ZNF804A: variants seen among roughly 807,000 people sequenced by gnomAD.
ZNF804A encodes the protein zinc finger protein 804A.
Under a neutral mutation model 16.5 loss-of-function variants are expected in ZNF804A, and 2 were observed. The observed-to-expected ratio is 0.12, with a 90% CI of 0.05 to 0.38. ZNF804A has a LOEUF of 0.38. Among genes scored for constraint, ZNF804A ranks in the 10% least tolerant of loss-of-function variants. The pLI is 0.99. For missense variants in ZNF804A, 1,473 were observed against 1,390.7 expected, an observed-to-expected ratio of 1.06 and a Z score of -0.94; for synonymous variants, 534 against 489.6, an observed-to-expected ratio of 1.09 and a Z score of -1.20.
chr2:184,852,956 T>A (rs548243303), intron 1 of ZNF804A, among the ~76,000 whole-genome samples: 4 of 151,636 alleles, frequency 2.6e-5, no homozygotes, highest in Non-Finnish European at 4.4e-5. Flanking sequence ...AAATTTAGGA[T>A]TTTTTTTCTA....
At chr2:184,796,905 G>T (rs935918131) in intron 1 of ZNF804A, among the ~76,000 whole-genome samples, 1 of 151,974 alleles carries the variant, frequency 6.6e-6, no homozygotes, top group Admixed American at 6.6e-5. Context: ...TCAGGGTCAG[G>T]TTATTTAATT....
intron 1 of ZNF804A, among the ~76,000 whole-genome samples, chr2:184,736,250 G>A (rs2105750227): frequency 6.6e-6 from 1 of 152,244 alleles, no homozygotes; most frequent in Admixed American, 6.5e-5. Context: ...TAGGCTAGCA[G>A]TAGGGAGACA....
At chr2:184,704,389 T>A (rs889055308) in intron 1 of ZNF804A, among the ~76,000 whole-genome samples, 2 of 152,080 alleles carry the variant, frequency 1.3e-5, no homozygotes, top group African/African-American at 4.8e-5. Context: ...CAACCTCAGA[T>A]GATCCACCCG....
chr2:184,677,450 A>C (rs1347805404), intron 1 of ZNF804A, among the ~76,000 whole-genome samples: 1 of 151,950 alleles, frequency 6.6e-6, no homozygotes, highest in Non-Finnish European at 1.5e-5. Context: ...TAGACAGTAC[A>C]CGGTCATCTG....
At chr2:184,726,253 T>A (rs73978076) in intron 1 of ZNF804A, among the ~76,000 whole-genome samples, 1 of 151,684 alleles carries the variant, frequency 6.6e-6, no homozygotes, top group Non-Finnish European at 1.5e-5. Flanking sequence ...CCACCAGCAA[T>A]GTATGAGTTT....
rs917243702 is a variant in ZNF804A, at chr2:184,738,758, G to A, written c.112-127611G>A. ...AAAATAATTTGTTATGCAAAAGTTGGTAAACACAATGTGTACAACTGTGTG... is the reference window on the plus strand; with the variant it reads ...AAAATAATTTGTTATGCAAAAGTTGATAAACACAATGTGTACAACTGTGTG... On this transcript the variant is annotated intron_variant, in intron 1 of 3. Transcript: ENST00000302277. Among the ~76,000 whole-genome samples, 4 of 152,074 alleles carry A rather than the reference G, an allele frequency of 2.6e-5. No individual in the cohort carries two copies. The South Asian group carries it at 8.3e-4, about 31-fold the overall frequency.
intron 1 of ZNF804A, among the ~76,000 whole-genome samples, chr2:184,609,563 G>A (rs918083511): frequency 1.3e-5 from 2 of 152,212 alleles, no homozygotes; most frequent in African/African-American, 4.8e-5. Context: ...GAATTCTGGA[G>A]TCTGGGAAGT....
intron 1 of ZNF804A, among the ~76,000 whole-genome samples, chr2:184,836,594 T>A (rs1695348787): frequency 6.6e-6 from 1 of 151,918 alleles, no homozygotes; most frequent in Non-Finnish European, 1.5e-5. Flanking sequence ...GTTCTTAAAA[T>A]CAATATGAAT....
chr2:184,682,114 C>T (rs1692552275), intron 1 of ZNF804A, among the ~76,000 whole-genome samples: 1 of 152,186 alleles, frequency 6.6e-6, no homozygotes, highest in East Asian at 1.9e-4. Flanking sequence ...GGCCTGCAGT[C>T]AGCTCATGGC....
Position 184,933,720 on chromosome 2 carries a change from A to C in ZNF804A, c.373A>C (p.Lys125Gln). ...QRLHKLAELR[K>Q]ETVCAPGSGP... Reference sequence around the variant, plus strand: ...CCTGCACAAGCTGGCTGAGCTAAGAAAGGAAACTGTATGGTGAGTATCCAA... The same window carrying C: ...CCTGCACAAGCTGGCTGAGCTAAGACAGGAAACTGTATGGTGAGTATCCAA... The change falls in exon 3 of 4, where the codon AAG (lysine) becomes CAG (glutamine). Residue 125 changes from lysine to glutamine, a missense_variant. Lys to Gln is a moderately conservative substitution (Grantham distance 53). Coordinates refer to ENST00000302277, the MANE Select transcript of ZNF804A (RefSeq NM_194250.2). 6.2e-7 allele frequency: 1 copy of C among 1,603,428 alleles called. No individual in the cohort carries two copies. Among genetic ancestry groups the C allele is most frequent in the Non-Finnish European group, 8.5e-7 (1 of 1,176,990 alleles).
At chr2:184,606,367 G>A (rs1391526381) in intron 1 of ZNF804A, among the ~76,000 whole-genome samples, 3 of 152,068 alleles carry the variant, frequency 2.0e-5, no homozygotes, top group Admixed American at 6.5e-5. Flanking sequence ...TGCCAGATGC[G>A]TATACAATTA....
intron 1 of ZNF804A, among the ~76,000 whole-genome samples, chr2:184,837,139 TA>T (rs148440964): frequency 9.5e-4 from 144 of 152,224 alleles, no homozygotes; most frequent in African/African-American, 3.3e-3. Flanking sequence ...GCGCTTACAT[TA>T]CTTATATTAC....
chr2:184,782,827 G>T (rs565320587), intron 1 of ZNF804A, among the ~76,000 whole-genome samples: 5 of 143,988 alleles, frequency 3.5e-5, no homozygotes, highest in Non-Finnish European at 7.5e-5. Context: ...CTGAAGTTTA[G>T]AATAAGCATA....
intron 1 of ZNF804A, among the ~76,000 whole-genome samples, chr2:184,865,889 GAAT>G (rs1695871025): frequency 6.6e-6 from 1 of 152,148 alleles, no homozygotes; most frequent in Non-Finnish European, 1.5e-5. Flanking sequence ...TAGATGGAAT[GAAT>G]AATAAGTTAC....
intron 2 of ZNF804A, among the ~76,000 whole-genome samples, chr2:184,867,099 A>T (rs1258275809): frequency 6.6e-6 from 1 of 151,948 alleles, no homozygotes; most frequent in Admixed American, 6.6e-5. Context: ...TATAAATCCC[A>T]GATTAATTAT....
chr2:184,616,190 A>G (rs1691316032), intron 1 of ZNF804A, among the ~76,000 whole-genome samples: 1 of 152,094 alleles, frequency 6.6e-6, no homozygotes, highest in Non-Finnish European at 1.5e-5. Flanking sequence ...CGTGTTTCAC[A>G]CCTTCCTTTG....
Position 184,842,559 on chromosome 2 carries a change from A to G in ZNF804A, c.112-23810A>G, listed in dbSNP as rs1012865401. 2.0e-5 allele frequency among the ~76,000 whole-genome samples: 3 copies of G among 151,954 alleles called. No homozygotes were observed. The East Asian group carries it at 5.8e-4, about 29-fold the overall frequency. Reference sequence around the variant, plus strand: ...GAAATTTATGATTTTAGGAAATAGTAGAACTAGTATAAAATTAATTTGGAA... The same window carrying G: ...GAAATTTATGATTTTAGGAAATAGTGGAACTAGTATAAAATTAATTTGGAA... On this transcript the variant is annotated intron_variant, in intron 1 of 3. Transcript: ENST00000302277.
In ZNF804A at chr2:184,616,380, T is replaced by C. The variant is rs147123558; in HGVS notation, c.111+17310T>C. Among the ~76,000 whole-genome samples the C allele has an allele frequency of 5.7e-3, 861 of 152,306 alleles. 1 individual carries two copies. The highest frequency in any genetic ancestry group is 9.2e-3 in the Non-Finnish European group (626 of 68,012). On this transcript the variant is annotated intron_variant, in intron 1 of 3. Coordinates refer to ENST00000302277, the MANE Select transcript of ZNF804A (RefSeq NM_194250.2). ...AAATGTTATCTTGAAATATTATACA[T>C]ATTATATGTAATTACTACTGAAATG...
intron 1 of ZNF804A, among the ~76,000 whole-genome samples, chr2:184,666,406 C>T (rs1692256541): frequency 6.6e-6 from 1 of 151,830 alleles, no homozygotes; most frequent in African/African-American, 2.4e-5. Context: ...ATCTATTATA[C>T]CAGATTCAAA....
Sources: gnomAD v4.1 joint callset for allele counts (sites outside exome capture counted in the v4.1 genomes callset) on GRCh38, gnomAD v4.1.1 for gene constraint, MANE v1.5 for transcripts, NCBI Gene and HGNC (gene_info 2026-07-23, HGNC 2026-07-21) for gene names.